Variants in CCDC158 observed in about 807,000 individuals in gnomAD.
The protein encoded by CCDC158 is coiled-coil domain-containing protein 158.
CCDC158 carries 116 observed loss-of-function variants against 138.6 expected under a neutral mutation model. The ratio of observed to expected loss-of-function variants is 0.84; its 90% CI spans 0.72 to 0.98. CCDC158 has a LOEUF of 0.98. CCDC158 is among the 50% of genes least tolerant of loss of function. The pLI is 0.00. For synonymous variants in CCDC158, 436 were observed against 442.4 expected, an observed-to-expected ratio of 0.99 and a Z score of 0.18; for missense variants, 1,265 against 1,306.1, an observed-to-expected ratio of 0.97 and a Z score of 0.48.
At chr4:76,410,013 T>C (rs530243849) in intron 2 of CCDC158, among the ~76,000 whole-genome samples, 1 of 152,192 alleles carries the variant, frequency 6.6e-6, no homozygotes, top group Non-Finnish European at 1.5e-5. Context: ...ATAAAGCGTT[T>C]AAAAGTACCT....
chr4:76,384,245 CG>C lies in CCDC158; in HGVS notation c.568del (p.Arg190GlyfsTer4), dbSNP rs1280150721. ...LSHEGVLQEI[R>X]SILVDFEEAS... ...TTCTTCAAAGTCAACTAGGATTGAC[CG>C]GATTTCTTGAAGCACTCCCTCATGA... On this transcript the variant is annotated frameshift_variant, in exon 6 of 25. Transcript: ENST00000682701. LOFTEE classifies it high-confidence loss of function. 2.5e-6 allele frequency: 4 copies of C among 1,613,920 alleles called. No homozygotes were observed. Among genetic ancestry groups the C allele is most frequent in the Non-Finnish European group, 2.5e-6 (3 of 1,180,008 alleles).
chr4:76,383,409 A>G (rs1176880255), intron 7 of CCDC158, among the ~76,000 whole-genome samples: 1 of 151,982 alleles, frequency 6.6e-6, no homozygotes, highest in Non-Finnish European at 1.5e-5. Context: ...TTGGCCTTGT[A>G]TTGGGAGCTG....
At chr4:76,336,867 G>C (rs1172601906) in intron 18 of CCDC158, among the ~76,000 whole-genome samples, 1 of 152,192 alleles carries the variant, frequency 6.6e-6, no homozygotes, top group African/African-American at 2.4e-5. Flanking sequence ...CGCCGACTGA[G>C]ACTGAGCAGG....
intron 14 of CCDC158, 99 bp from the exon 15 acceptor site, chr4:76,355,535 T>A: frequency 1.2e-6 from 1 of 804,278 alleles, no homozygotes; most frequent in Non-Finnish European, 2.2e-6. Context: ...ACAAGTAAGA[T>A]CCTCCAAGGT....
chr4:76,396,157 C>T (rs991637864), intron 4 of CCDC158, 112 bp downstream of exon 4: 1 of 641,760 alleles, frequency 1.6e-6, no homozygotes, highest in East Asian at 3.0e-5. Context: ...CCAATAAACC[C>T]ATTTGTTAGT....
At chr4:76,418,737 T>A (rs1426267100) in intron 1 of CCDC158, among the ~76,000 whole-genome samples, 1 of 152,224 alleles carries the variant, frequency 6.6e-6, no homozygotes, top group East Asian at 1.9e-4. Flanking sequence ...TTCAATTACC[T>A]TCCACTGGGT....
intron 18 of CCDC158, chr4:76,345,084 A>C (rs1291179924): frequency 9.6e-5 from 127 of 1,318,068 alleles, no homozygotes; most frequent in Non-Finnish European, 1.3e-4. Flanking sequence ...ACCAGATCTC[A>C]TAAAAATTGT....
intron 14 of CCDC158, 28 bp from the exon 15 acceptor site, chr4:76,355,464 C>T (rs1042805256): frequency 7.0e-7 from 1 of 1,422,546 alleles, no homozygotes; most frequent in Non-Finnish European, 9.9e-7. Context: ...GCAAACTATG[C>T]CTTAGGTTCT....
Position 76,362,465 on chromosome 4 carries a change from T to A in CCDC158, c.1831-150A>T. ...CCTCCTATCTGTATTCCATCTATAT[T>A]TATTATCTTTTCATTACTTCCCAGG... On this transcript the variant is annotated intron_variant, in intron 12 of 24. Coordinates refer to ENST00000682701, the MANE Select transcript of CCDC158 (RefSeq NM_001394954.1). 5.7e-6 allele frequency: 3 copies of A among 525,866 alleles called. No individual in the cohort carries two copies. The South Asian group carries it at 1.1e-4, about 20-fold the overall frequency. The allele number at this position is 525,866 out of a possible 1,614,324, so 32.6% of individuals were successfully genotyped here. A position where few individuals can be genotyped will look rare whatever the true frequency, so the allele number is the denominator to read the frequency against.
intron 2 of CCDC158, among the ~76,000 whole-genome samples, chr4:76,411,031 T>C (rs1485749002): frequency 6.6e-6 from 1 of 152,172 alleles, no homozygotes; most frequent in Non-Finnish European, 1.5e-5. Context: ...TCCTACATAG[T>C]AACTGCGGCC....
At chr4:76,421,158 C>T (rs1412438438), upstream of CCDC158, among the ~76,000 whole-genome samples, 1 of 152,038 alleles carries the variant, frequency 6.6e-6, no homozygotes, top group Non-Finnish European at 1.5e-5. Context: ...GCCCGTCACT[C>T]CTCGCGGCTG....
In CCDC158 at chr4:76,357,503, T is replaced by C; in HGVS notation, c.2044A>G (p.Asn682Asp). The change falls in exon 14 of 25, where the codon AAT becomes GAT. Residue 682 changes from asparagine to aspartate, a missense_variant. By Grantham distance (23) the Asn-to-Asp change is conservative. Coordinates refer to ENST00000682701, the MANE Select transcript of CCDC158 (RefSeq NM_001394954.1). Reference sequence around the variant, plus strand: ...ATTTCTTCACTTTTGTTTCGGAAATTCCTTTTTAAGACTTCATACTCCTCT... The same window carrying C: ...ATTTCTTCACTTTTGTTTCGGAAATCCCTTTTTAAGACTTCATACTCCTCT... ...LSEEYEVLKRNFRNKSEEMEM... is the reference protein window; with the variant it reads ...LSEEYEVLKRDFRNKSEEMEM... 1.3e-6 allele frequency: 2 copies of C among 1,596,200 alleles called. No individual in the cohort carries two copies. Among genetic ancestry groups the C allele is most frequent in the Non-Finnish European group, 1.7e-6 (2 of 1,169,672 alleles).
intron 4 of CCDC158, among the ~76,000 whole-genome samples, chr4:76,392,755 A>G (rs2109816738): frequency 6.6e-6 from 1 of 152,146 alleles, no homozygotes; most frequent in South Asian, 2.1e-4. Context: ...ACTCCACCAA[A>G]AAAAATGTTA....
intron 18 of CCDC158, among the ~76,000 whole-genome samples, chr4:76,342,243 T>C (rs890263989): frequency 2.6e-5 from 4 of 152,140 alleles, no homozygotes; most frequent in African/African-American, 9.7e-5. Context: ...TCTCACTACT[T>C]TGCCCAGGCT....
chr4:76,335,701 C>G (rs1233762000), intron 18 of CCDC158, among the ~76,000 whole-genome samples: 2 of 152,052 alleles, frequency 1.3e-5, no homozygotes, highest in African/African-American at 4.8e-5. Context: ...TGCCTCAGCA[C>G]CCCCAGTAGC....
At chr4:76,385,038 C>T (rs1025331704) in intron 4 of CCDC158, among the ~76,000 whole-genome samples, 4 of 152,140 alleles carry the variant, frequency 2.6e-5, no homozygotes, top group African/African-American at 9.7e-5. Flanking sequence ...TACCTGGCAG[C>T]AAACACCACC....
intron 19 of CCDC158, among the ~76,000 whole-genome samples, chr4:76,332,980 AGT>A (rs753683141): frequency 1.3e-5 from 2 of 152,228 alleles, no homozygotes; most frequent in Non-Finnish European, 2.9e-5. Flanking sequence ...CTGTCAAATA[AGT>A]GTAATAATAC....
chr4:76,392,911 C>A (rs1312678790), intron 4 of CCDC158, among the ~76,000 whole-genome samples: 1 of 151,278 alleles, frequency 6.6e-6, no homozygotes, highest in African/African-American at 2.4e-5. Flanking sequence ...AAATGAAATA[C>A]TAGGAATTAA....
Position 76,353,298 on chromosome 4 carries a change from G to T in CCDC158, c.2287-17C>A, listed in dbSNP as rs1230952159. 8 of 1,575,430 alleles carry T rather than the reference G, an allele frequency of 5.1e-6. No homozygotes were observed. The Middle Eastern group carries it at 8.4e-4, about 166-fold the overall frequency. ...ATGTTTCTCCTACAATTATATGAGA[G>T]AAAAACATCAGAAATAACCTGTTGA... On this transcript the variant is annotated splice_polypyrimidine_tract_variant and intron_variant, in intron 15 of 24. Coordinates refer to ENST00000682701, the MANE Select transcript of CCDC158 (RefSeq NM_001394954.1).
Sources: gnomAD v4.1 joint callset for allele counts (sites outside exome capture counted in the v4.1 genomes callset) on GRCh38, gnomAD v4.1.1 for gene constraint, MANE v1.5 for transcripts, NCBI Gene and HGNC (gene_info 2026-07-23, HGNC 2026-07-21) for gene names.